Variants in BTBD9 observed in about 807,000 individuals in gnomAD.
The protein encoded by BTBD9 is BTB domain containing 9.
Under a neutral mutation model 64.3 loss-of-function variants are expected in BTBD9, and 49 were observed. The observed-to-expected ratio is 0.76, with a 90% confidence interval of 0.61 to 0.97. The LOEUF (loss-of-function observed/expected upper bound fraction) is 0.97, where lower values mean the gene tolerates loss of function less well. BTBD9 is among the 50% of genes least tolerant of loss of function. BTBD9 has a pLI of 0.00. For synonymous variants in BTBD9, 260 were observed against 274.7 expected, an observed-to-expected ratio of 0.95 and a Z score of 0.53; for missense variants, 598 against 762.1, an observed-to-expected ratio of 0.78 and a Z score of 2.53.
rs533580419 is a variant in BTBD9 at position 38,221,716 on chromosome 6, G to C, written c.1563-29119C>G. ...TAAGAGATATGATCTCAAAAGGCCG[G>C]GTGCGGTGGCTCACGCCTGTAATCC... On this transcript the variant is annotated intron_variant, in intron 9 of 10. Coordinates refer to ENST00000481247, the MANE Select transcript of BTBD9 (RefSeq NM_001099272.2). 7.9e-5 allele frequency among the ~76,000 whole-genome samples: 12 copies of C among 152,352 alleles called. No homozygotes were observed. In the East Asian group the frequency reaches 2.3e-3, roughly 29 times the overall value.
At chr6:38,525,503 T>C (rs1773451391) in intron 6 of BTBD9, among the ~76,000 whole-genome samples, 1 of 152,194 alleles carries the variant, frequency 6.6e-6, no homozygotes, top group South Asian at 2.1e-4. Context: ...ACTTTGGAAC[T>C]GGGTAACAGG....
intron 9 of BTBD9, among the ~76,000 whole-genome samples, chr6:38,235,679 A>G (rs1178624866): frequency 1.3e-5 from 2 of 152,202 alleles, no homozygotes; most frequent in East Asian, 3.9e-4. Context: ...AATCAGGTAA[A>G]GGAATGACAC....
At chr6:38,378,201 C>G (rs1164928665) in intron 6 of BTBD9, among the ~76,000 whole-genome samples, 1 of 152,022 alleles carries the variant, frequency 6.6e-6, no homozygotes, top group Admixed American at 6.5e-5. Flanking sequence ...TGCAGAGAAA[C>G]CCCTCCTCAT....
At chr6:38,584,631 T>C (rs1297004075) in intron 4 of BTBD9, among the ~76,000 whole-genome samples, 2 of 152,160 alleles carry the variant, frequency 1.3e-5, no homozygotes, top group African/African-American at 4.8e-5. Context: ...AGTGGATTAT[T>C]TGGATCCAGA....
chr6:38,452,880 T>A (rs1769620005), intron 6 of BTBD9, among the ~76,000 whole-genome samples: 1 of 152,156 alleles, frequency 6.6e-6, no homozygotes, highest in Non-Finnish European at 1.5e-5. Flanking sequence ...CTTAATGTGA[T>A]ACGGAAACTG....
At chr6:38,397,944 G>A (rs574723086) in intron 6 of BTBD9, among the ~76,000 whole-genome samples, 5 of 152,324 alleles carry the variant, frequency 3.3e-5, no homozygotes, top group Non-Finnish European at 7.3e-5. Flanking sequence ...GAAGGAGCAG[G>A]AGTGCGGTAC....
chr6:38,569,237 C>G (rs1448833974), intron 6 of BTBD9, among the ~76,000 whole-genome samples: 1 of 152,138 alleles, frequency 6.6e-6, no homozygotes. Context: ...TTCTTGACAG[C>G]GGCCACTGTG....
rs938643844 is a variant in BTBD9 at position 38,169,946 on chromosome 6, C to G, written c.*5039G>C. Reference sequence around the variant, plus strand: ...TGATGGGGCAGGAGGGCCGTTCAGCCTGGCTTCTGACTGGAAGCTCGCTGG... The same window carrying G: ...TGATGGGGCAGGAGGGCCGTTCAGCGTGGCTTCTGACTGGAAGCTCGCTGG... On this transcript the variant is annotated 3_prime_UTR_variant, in exon 11 of 11. Transcript: ENST00000481247. 1 of 152,192 alleles carries G rather than the reference C, an allele frequency of 6.6e-6. No individual in the cohort carries two copies. The highest frequency in any genetic ancestry group is 6.5e-5 in the Admixed American group (1 of 15,278). The allele number at this position is 152,192 out of a possible 1,614,324, so 9.4% of individuals were successfully genotyped here.
At position 38,545,611 on chromosome 6, in the gene BTBD9, C is replaced by G. The variant is rs1005053514; in HGVS notation, c.1154+31989G>C. On this transcript the variant is annotated intron_variant, in intron 6 of 10. Transcript: ENST00000481247. ...TGGCTAACATGGTGAAACCCCGTCT[C>G]TACTAAAAATACAAAAAATTAGCTG... is the stretch of plus-strand genomic sequence containing the variant. 2.0e-5 allele frequency among the ~76,000 whole-genome samples: 3 copies of G among 151,550 alleles called. No homozygotes were observed. In the East Asian group the frequency reaches 5.9e-4, roughly 30 times the overall value.
intron 6 of BTBD9, among the ~76,000 whole-genome samples, chr6:38,380,146 A>T (rs1765871710): frequency 6.6e-6 from 1 of 152,188 alleles, no homozygotes; most frequent in African/African-American, 2.4e-5. Flanking sequence ...AATAAAAATA[A>T]AAAAATTGTA....
intron 9 of BTBD9, among the ~76,000 whole-genome samples, chr6:38,192,876 A>C (rs1762138212): frequency 7.7e-6 from 1 of 129,190 alleles, no homozygotes; most frequent in Non-Finnish European, 1.6e-5. Context: ...ATAAACAAGC[A>C]CAAAGGGCAG....
In BTBD9 at chr6:38,432,873, T is replaced by C. The variant is rs1051935479; in HGVS notation, c.1155-87780A>G. ...GCTTTGAGTGATACCTCCAGTTCTG[T>C]TGCATGGCCAGCTTCACATTAATAA... On this transcript the variant is annotated intron_variant, in intron 6 of 10. Transcript: ENST00000481247. 9.2e-5 allele frequency among the ~76,000 whole-genome samples: 14 copies of C among 152,016 alleles called. 1 individual carries two copies. Among genetic ancestry groups the C allele is most frequent in the African/African-American group, 3.4e-4 (14 of 41,250 alleles).
chr6:38,246,370 C>T lies in BTBD9; in HGVS notation c.1562+10039G>A, dbSNP rs117651880. 9.2e-5 allele frequency among the ~76,000 whole-genome samples: 14 copies of T among 152,210 alleles called. No individual in the cohort carries two copies. In the South Asian group the frequency reaches 1.2e-3, roughly 14 times the overall value. On this transcript the variant is annotated intron_variant, in intron 9 of 10. Coordinates refer to ENST00000481247, the MANE Select transcript of BTBD9 (RefSeq NM_001099272.2). ...ACTGGTGTCTCCAAGTGTGGCCTAA[C>T]GTATAGATGACTTCTATAGGGCAAG... is the stretch of plus-strand genomic sequence containing the variant.
intron 6 of BTBD9, among the ~76,000 whole-genome samples, chr6:38,421,734 A>G (rs1767911723): frequency 6.6e-6 from 1 of 152,280 alleles, no homozygotes; most frequent in African/African-American, 2.4e-5. Context: ...ACAGTAAGGC[A>G]TTAGCAGACA....
At chr6:38,312,711 A>G (rs968634932) in intron 7 of BTBD9, among the ~76,000 whole-genome samples, 2 of 152,150 alleles carry the variant, frequency 1.3e-5, no homozygotes, top group African/African-American at 4.8e-5. Flanking sequence ...AAATGAGTTC[A>G]CTGTAGTTGT....
At chr6:38,242,754 G>C (rs183494336) in intron 9 of BTBD9, among the ~76,000 whole-genome samples, 17 of 152,200 alleles carry the variant, frequency 1.1e-4, no homozygotes, top group Non-Finnish European at 7.3e-5. Context: ...AATCAAAGTT[G>C]TGCATTTGAC....
intron 7 of BTBD9, among the ~76,000 whole-genome samples, chr6:38,311,054 G>A (rs1197269193): frequency 6.6e-6 from 1 of 152,154 alleles, no homozygotes; most frequent in Non-Finnish European, 1.5e-5. Flanking sequence ...CAGGTGATCT[G>A]ACTGCCTCGG....
At chr6:38,417,468 G>A (rs1448993822) in intron 6 of BTBD9, among the ~76,000 whole-genome samples, 1 of 152,178 alleles carries the variant, frequency 6.6e-6, no homozygotes, top group African/African-American at 2.4e-5. Context: ...CTGTGCCCTA[G>A]CACTTAATAA....
intron 4 of BTBD9, among the ~76,000 whole-genome samples, chr6:38,582,520 G>T (rs1776337348): frequency 6.6e-6 from 1 of 152,318 alleles, no homozygotes; most frequent in East Asian, 1.9e-4. Context: ...TAAGCAGTCT[G>T]CCTGCAGAGG....
Sources: allele counts gnomAD v4.1 joint callset (sites outside exome capture counted in the v4.1 genomes callset), GRCh38; gene constraint gnomAD v4.1.1; transcripts MANE v1.5; gene names NCBI Gene and HGNC (gene_info 2026-07-23, HGNC 2026-07-21).